The following AFP variants were observed in gnomAD, a reference collection of about 807,000 sequenced individuals.
AFP encodes the protein alpha-fetoprotein.
A neutral mutation model predicts 78.9 loss-of-function variants in AFP; 64 were observed. The observed-to-expected ratio is 0.81, with a 90% CI of 0.66 to 1.00. The LOEUF (loss-of-function observed/expected upper bound fraction) is 1.00. AFP is among the 50% of genes least tolerant of loss of function. The probability of loss-of-function intolerance (pLI) is 0.00; values close to 1 mark genes in which losing one functional copy is unlikely to be tolerated. For synonymous variants in AFP, 254 were observed against 243.8 expected (o/e 1.04, Z -0.39); for missense variants, 689 against 703.8 (o/e 0.98, Z 0.24).
intron 8 of AFP, among the ~76,000 whole-genome samples, chr4:73,447,982 T>C (rs1719882874): frequency 6.6e-6 from 1 of 152,134 alleles, no homozygotes; most frequent in African/African-American, 2.4e-5. Context: ...AGATTACTCA[T>C]ATCAAGGCCA....
In AFP at chr4:73,442,578, A is replaced by G. The variant is rs901173179; in HGVS notation, c.615+150A>G. 5 of 904,402 alleles carry G rather than the reference A, an allele frequency of 5.5e-6. No individual in the cohort carries two copies. The East Asian group carries it at 1.3e-4, about 23-fold the overall frequency. The allele number at this position is 904,402 out of a possible 1,614,324, so 56.0% of individuals were successfully genotyped here. On this transcript the variant is annotated intron_variant, in intron 5 of 14. Transcript: ENST00000395792. Reference sequence around the variant, plus strand: ...CAGCAGTCTGATATTCTTCGAGTGAACAAAACTGGATTTGCTGGTTTTTAT... The same window carrying G: ...CAGCAGTCTGATATTCTTCGAGTGAGCAAAACTGGATTTGCTGGTTTTTAT...
intron 8 of AFP, among the ~76,000 whole-genome samples, chr4:73,448,222 G>T (rs1719889987): frequency 6.6e-6 from 1 of 152,090 alleles, no homozygotes; most frequent in African/African-American, 2.4e-5. Flanking sequence ...TTGCAGTACA[G>T]TAGTTTGTTT....
At chr4:73,452,687 C>T in intron 12 of AFP, 63 bp downstream of exon 12, 1 of 1,297,502 alleles carries the variant, frequency 7.7e-7, no homozygotes, top group Non-Finnish European at 1.1e-6. Flanking sequence ...ACTGAGACTT[C>T]TACCTCGCTC....
chr4:73,445,292 T>A (rs1387543322), intron 7 of AFP, among the ~76,000 whole-genome samples, 170 bp downstream of exon 7: 2 of 152,340 alleles, frequency 1.3e-5, no homozygotes, highest in Non-Finnish European at 2.9e-5. Flanking sequence ...CCATCTTTTG[T>A]TGATCCTGGC....
Position 73,455,814 on chromosome 4 carries a change from G to C in AFP, c.*194G>C. 3 of 606,144 alleles carry C rather than the reference G, an allele frequency of 4.9e-6. No individual in the cohort carries two copies. Among genetic ancestry groups the C allele is most frequent in the Middle Eastern group, 4.3e-4 (1 of 2,318 alleles). 37.5% of individuals were successfully genotyped at this position (606,144 alleles called of 1,614,324 possible). On this transcript the variant is annotated 3_prime_UTR_variant, in exon 15 of 15. Transcript: ENST00000395792. ...GTTTGCTTATTTATGAAAAGTTATCGATAATTTCTTTAGTTTTGTATACCA... is the reference window on the plus strand; with the variant it reads ...GTTTGCTTATTTATGAAAAGTTATCCATAATTTCTTTAGTTTTGTATACCA...
chr4:73,452,435 A>G lies in AFP; in HGVS notation c.1463A>G (p.His488Arg), dbSNP rs770698874. 2.5e-6 allele frequency: 4 copies of G among 1,614,138 alleles called. No homozygotes were observed. The highest frequency in any genetic ancestry group is 1.3e-5 in the African/African-American group (1 of 75,058). The change falls in exon 12 of 15, where the codon CAT becomes CGT. Residue 488 changes from histidine (H) to arginine (R), a missense_variant. Physicochemically the swap from His to Arg is conservative, Grantham distance 29. Coordinates refer to ENST00000395792, the MANE Select transcript of AFP (RefSeq NM_001134.3). ...ATTATCGGACACTTATGTATCAGACATGAAATGACTCCAGTAAACCCTGGT... is the reference window on the plus strand; with the variant it reads ...ATTATCGGACACTTATGTATCAGACGTGAAATGACTCCAGTAAACCCTGGT... Reference protein sequence around the residue: ...DIIIGHLCIRHEMTPVNPGVG... With the variant: ...DIIIGHLCIRREMTPVNPGVG...
rs1719563933 is a variant in AFP at position 73,438,184 on chromosome 4, T to G, written c.148T>G (p.Phe50Val). The G allele has an allele frequency of 6.2e-7, 1 of 1,613,344 alleles. No homozygotes were observed. The highest frequency in any genetic ancestry group is 8.5e-7 in the Non-Finnish European group (1 of 1,179,418). ...EISLADLATIFFAQFVQEATY... is the reference protein window; with the variant it reads ...EISLADLATIVFAQFVQEATY... ...GTATTTTTGTTTCAGGGCTACCATA[T>G]TTTTTGCCCAGTTTGTTCAAGAAGC... The change falls in exon 3 of 15, where the codon TTT becomes GTT. Residue 50 changes from phenylalanine (F) to valine (V), a missense_variant. By Grantham distance (50) the Phe-to-Val change is conservative (BLOSUM62 -1). Transcript: ENST00000395792.
chr4:73,438,834 G>A lies in AFP; in HGVS notation c.270+528G>A, dbSNP rs1719584817. On this transcript the variant is annotated intron_variant, in intron 3 of 14. Transcript: ENST00000395792. Reference sequence around the variant, plus strand: ...GGCTTCTGGGCAGGATATCAGCTTTGCTTACCTATATTTATTTATTAAACA... The same window carrying A: ...GGCTTCTGGGCAGGATATCAGCTTTACTTACCTATATTTATTTATTAAACA... Among the ~76,000 whole-genome samples the A allele has an allele frequency of 2.0e-5, 3 of 152,048 alleles. No homozygotes were observed. The South Asian group carries it at 6.2e-4, about 32-fold the overall frequency.
At chr4:73,443,796 C>G (rs76114492) in intron 6 of AFP, among the ~76,000 whole-genome samples, 3 of 152,286 alleles carry the variant, frequency 2.0e-5, no homozygotes, top group Non-Finnish European at 4.4e-5. Context: ...TCAGCCTTCA[C>G]TGAGTGTCAT....
At chr4:73,455,207 A>T (rs780355548) in intron 13 of AFP, 29 bp from the exon 14 acceptor site, 21 of 1,561,468 alleles carry the variant, frequency 1.3e-5, no homozygotes, top group Non-Finnish European at 1.9e-5. Context: ...CCATTTCTTT[A>T]TCTGATTATG....
intron 4 of AFP, 108 bp from the exon 5 acceptor site, chr4:73,442,185 TTTG>T (rs1170454570): frequency 1.5e-5 from 16 of 1,095,784 alleles, no homozygotes; most frequent in Admixed American, 2.0e-5. Flanking sequence ...TCAAATGCAT[TTTG>T]TTGTTGTTGT....
rs1560392494 is a variant in AFP, at chr4:73,440,825, G to A, written c.482+12G>A. On this transcript the variant is annotated intron_variant, in intron 4 of 14. Coordinates refer to ENST00000395792, the MANE Select transcript of AFP (RefSeq NM_001134.3). The stretch of plus-strand genomic sequence containing the variant: ...ACATTCATGAACAAGTAAGGATCCA[G>A]TTTAAAGGTAGATGCAAACCTCAGA... 6.2e-7 allele frequency: 1 copy of A among 1,610,322 alleles called. No homozygotes were observed. The highest frequency in any genetic ancestry group is 1.7e-4 in the Middle Eastern group (1 of 6,054).
intron 1 of AFP, 24 bp downstream of exon 1, chr4:73,436,371 G>A (rs748398992): frequency 2.2e-6 from 3 of 1,394,474 alleles, no homozygotes; most frequent in South Asian, 2.7e-5. Context: ...TGTTTTTCTT[G>A]TCTTTTCTCT....
rs1393203376 is a variant in AFP, at chr4:73,450,754, G to T, written c.1428+1G>T. On this transcript the variant is annotated splice_donor_variant, in intron 11 of 14. Transcript: ENST00000395792. LOFTEE classifies it high-confidence loss of function. ...ACTATTGGCCTGTGGCGAGGGAGCG[G>T]TGAGTGTCTGCTTGGTTTGGTCCCA... is the stretch of plus-strand genomic sequence containing the variant. The T allele has an allele frequency of 6.2e-7, 1 of 1,613,966 alleles. No homozygotes were observed. Among genetic ancestry groups the T allele is most frequent in the South Asian group, 1.1e-5 (1 of 91,072 alleles).
chr4:73,442,676 G>A (rs1000867035), intron 5 of AFP, among the ~76,000 whole-genome samples: 1 of 152,122 alleles, frequency 6.6e-6, no homozygotes, highest in Non-Finnish European at 1.5e-5. Flanking sequence ...AGGAAAGACA[G>A]ACAGACAGAA....
chr4:73,447,244 C>T (rs573827948), intron 7 of AFP, among the ~76,000 whole-genome samples: 3 of 151,960 alleles, frequency 2.0e-5, no homozygotes, highest in Non-Finnish European at 4.4e-5. Context: ...ACATTGTTTG[C>T]ACTGCTAAAT....
intron 7 of AFP, among the ~76,000 whole-genome samples, chr4:73,446,173 A>G (rs1719818608): frequency 6.6e-6 from 1 of 152,136 alleles, no homozygotes; most frequent in African/African-American, 2.4e-5. Flanking sequence ...AAGTGGGAGG[A>G]GGCAGCCTGG....
chr4:73,441,538 C>G (rs1040138212), intron 4 of AFP, among the ~76,000 whole-genome samples: 1 of 142,072 alleles, frequency 7.0e-6, no homozygotes, highest in African/African-American at 2.7e-5. Context: ...ACTGCACTCC[C>G]GCCGGGGCCA....
chr4:73,444,918 G>C, intron 6 of AFP, 75 bp from the exon 7 acceptor site: 1 of 1,309,940 alleles, frequency 7.6e-7, no homozygotes, highest in Non-Finnish European at 1.1e-6. Flanking sequence ...TTCTACTGTA[G>C]TAATACTCTA....
Sources: allele counts gnomAD v4.1 joint callset (sites outside exome capture counted in the v4.1 genomes callset), GRCh38; gene constraint gnomAD v4.1.1; transcripts MANE v1.5; gene names NCBI Gene and HGNC (gene_info 2026-07-23, HGNC 2026-07-21).